The following SDHA variants were observed in gnomAD, a reference collection of about 807,000 sequenced individuals.
SDHA encodes the protein succinate dehydrogenase [ubiquinone] flavoprotein subunit, mitochondrial.
SDHA carries 48 observed loss-of-function variants against 78.4 expected under a neutral mutation model. The observed-to-expected ratio is 0.61, with a 90% CI of 0.49 to 0.78. The LOEUF (loss-of-function observed/expected upper bound fraction) is 0.78. SDHA is among the 30% of genes least tolerant of loss of function. The pLI is 0.00. For synonymous variants in SDHA, 326 were observed against 353.9 expected (o/e 0.92, Z 0.88); for missense variants, 680 against 892.7 (o/e 0.76, Z 3.04).
intron 3 of SDHA, 76 bp from the exon 4 acceptor site, chr5:225,343 A>G (rs530954561): frequency 6.3e-7 from 1 of 1,579,662 alleles, no homozygotes; most frequent in Non-Finnish European, 8.7e-7. Flanking sequence ...GAATCCCCCC[A>G]GCGGGTGGAT....
Position 224,370 on chromosome 5 carries a change from A to T in SDHA, c.161A>T (p.Gln54Leu). 6.2e-7 allele frequency: 1 copy of T among 1,613,386 alleles called. No individual in the cohort carries two copies. The highest frequency in any genetic ancestry group is 1.1e-5 in the South Asian group (1 of 91,048). Residue 54 changes from glutamine (Q) to leucine (L), a missense_variant, in exon 3 of 15, where the codon CAG becomes CTG. Transcript: ENST00000264932. ...SAKVSDSISA[Q>L]YPVVDHEFDA... ...ATTTTTCTTTTCCAGATTTCTGCTCAGTATCCAGTAGTGGATCATGAATTT... is the reference window on the plus strand; with the variant it reads ...ATTTTTCTTTTCCAGATTTCTGCTCTGTATCCAGTAGTGGATCATGAATTT...
At chr5:258,752 G>A (rs1467489061), downstream of SDHA, among the ~76,000 whole-genome samples, 1 of 93,022 alleles carries the variant, frequency 1.1e-5, no homozygotes, top group Non-Finnish European at 1.9e-5. Flanking sequence ...GAGCATTACC[G>A]TGTGAGCTCC....
intron 11 of SDHA, among the ~76,000 whole-genome samples, chr5:245,756 T>G (rs1200968615): frequency 6.6e-6 from 1 of 152,210 alleles, no homozygotes; most frequent in Non-Finnish European, 1.5e-5. Flanking sequence ...TTGAAAACAT[T>G]AAATGAGACT....
At chr5:246,464 C>T (rs566565853) in intron 11 of SDHA, among the ~76,000 whole-genome samples, 3 of 152,178 alleles carry the variant, frequency 2.0e-5, no homozygotes, top group East Asian at 3.9e-4. Context: ...AAAAGCAAGG[C>T]CGTAAAGCTC....
the SDHA span, among the ~76,000 whole-genome samples, chr5:266,873 C>T: frequency 1.8e-4 from 17 of 94,432 alleles, no homozygotes; most frequent in African/African-American, 8.7e-4. Flanking sequence ...ACACGGTGGC[C>T]GCTGTGTCTA....
chr5:241,663 G>T (rs1172431975), intron 11 of SDHA, among the ~76,000 whole-genome samples: 1 of 152,228 alleles, frequency 6.6e-6, no homozygotes, highest in Admixed American at 6.5e-5. Context: ...CCTACTATTT[G>T]CAAGAATTTC....
At chr5:231,228 G>A (rs758488587) in intron 7 of SDHA, among the ~76,000 whole-genome samples, 4 of 152,054 alleles carry the variant, frequency 2.6e-5, no homozygotes, top group Admixed American at 6.5e-5. Flanking sequence ...TCTCAAGAGC[G>A]CTAAACCCTG....
chr5:238,682 G>A (rs1284871600), intron 10 of SDHA, among the ~76,000 whole-genome samples: 6 of 152,186 alleles, frequency 3.9e-5, no homozygotes, highest in Admixed American at 6.5e-5. Flanking sequence ...ACTGAGGCTG[G>A]GTGCAGTGGC....
chr5:228,059 G>C, intron 5 of SDHA, 126 bp from the exon 6 acceptor site: 1 of 917,668 alleles, frequency 1.1e-6, no homozygotes. Flanking sequence ...CACTGTTGCT[G>C]ATCTCCTTGG....
chr5:228,582 C>T (rs1453223106), intron 6 of SDHA, among the ~76,000 whole-genome samples: 4 of 141,102 alleles, frequency 2.8e-5, no homozygotes, highest in Non-Finnish European at 6.0e-5. Flanking sequence ...CTCAGGTTCA[C>T]AGCTTACCTC....
intron 1 of SDHA, among the ~76,000 whole-genome samples, chr5:219,408 A>G (rs1734589349): frequency 6.6e-6 from 1 of 152,238 alleles, no homozygotes; most frequent in Admixed American, 6.5e-5. Context: ...CACCTCCTTA[A>G]TTACAAAGTA....
At chr5:247,717 G>A (rs570170136) in intron 11 of SDHA, among the ~76,000 whole-genome samples, 1 of 152,224 alleles carries the variant, frequency 6.6e-6, no homozygotes, top group Non-Finnish European at 1.5e-5. Context: ...TGCCAATCAG[G>A]AGAGTCTTCT....
chr5:228,013 C>T (rs1258464956), intron 5 of SDHA, 172 bp from the exon 6 acceptor site: 20 of 677,486 alleles, frequency 3.0e-5, no homozygotes, highest in South Asian at 9.7e-5. Context: ...TACTGCTCGG[C>T]GTGGAATGCC....
At chr5:229,851 C>T (rs192696242) in intron 6 of SDHA, among the ~76,000 whole-genome samples, 6 of 87,038 alleles carry the variant, frequency 6.9e-5, no homozygotes, top group Non-Finnish European at 1.2e-4. Flanking sequence ...TGCTGGCTAT[C>T]GTTAACATTA....
downstream of SDHA, among the ~76,000 whole-genome samples, chr5:258,204 C>T (rs191747683): frequency 3.1e-5 from 4 of 128,608 alleles, no homozygotes; most frequent in East Asian, 8.2e-4. Context: ...AGCTCCACCC[C>T]CTGCCAGAGC....
In SDHA at chr5:251,471, G is replaced by A. The variant is rs375883981; in HGVS notation, c.1794+3G>A. The A allele has an allele frequency of 1.9e-6, 3 of 1,613,818 alleles. No homozygotes were observed. In the African/African-American group the frequency reaches 4.0e-5, roughly 22 times the overall value. On this transcript the variant is annotated splice_donor_region_variant and intron_variant, in intron 13 of 14. Transcript: ENST00000264932. ...CGCATGCCAGGGAAGACTACAAGGTGGGCCTTCTCACCACGCCCACCTGCA... is the reference window on the plus strand; with the variant it reads ...CGCATGCCAGGGAAGACTACAAGGTAGGCCTTCTCACCACGCCCACCTGCA...
At chr5:264,074 A>G in the SDHA span, among the ~76,000 whole-genome samples, 1 of 152,236 alleles carries the variant, frequency 6.6e-6, no homozygotes, top group Non-Finnish European at 1.5e-5. Context: ...GGCAGAGTAC[A>G]TATCATATAA....
rs1658628380 is a variant in SDHA at position 230,858 on chromosome 5, G to A, written c.771-18G>A. Reference sequence around the variant, plus strand: ...ATGTGGGCCGCTGTGTGCAGTCACTGCTCTCTATTGTTTCCAGAGGCTACG... The same window carrying A: ...ATGTGGGCCGCTGTGTGCAGTCACTACTCTCTATTGTTTCCAGAGGCTACG... On this transcript the variant is annotated intron_variant, in intron 6 of 14. Coordinates refer to ENST00000264932, the MANE Select transcript of SDHA (RefSeq NM_004168.4). 2.5e-6 allele frequency: 4 copies of A among 1,613,442 alleles called. No individual in the cohort carries two copies. Among genetic ancestry groups the A allele is most frequent in the Non-Finnish European group, 3.4e-6 (4 of 1,179,470 alleles).
intron 13 of SDHA, among the ~76,000 whole-genome samples, chr5:252,322 C>G (rs1460330829): frequency 3.9e-5 from 5 of 126,682 alleles, no homozygotes; most frequent in Admixed American, 2.3e-4. Flanking sequence ...CAAGCCTGCC[C>G]TGTGGAGGAA....
Sources: gnomAD v4.1 joint callset for allele counts (sites outside exome capture counted in the v4.1 genomes callset) on GRCh38, gnomAD v4.1.1 for gene constraint, MANE v1.5 for transcripts, NCBI Gene and HGNC (gene_info 2026-07-23, HGNC 2026-07-21) for gene names.